The following KANSL1 variants were observed in gnomAD, a reference collection of about 807,000 sequenced individuals.
The protein encoded by KANSL1 is MLL1/MLL complex subunit KANSL1.
Under a neutral mutation model 103.6 loss-of-function variants are expected in KANSL1, and 22 were observed. The ratio of observed to expected loss-of-function variants is 0.21; its 90% CI spans 0.15 to 0.30. The LOEUF is 0.30. Ranked by LOEUF, KANSL1 falls within the 10% of genes least tolerant of loss-of-function variation. The pLI, the probability that KANSL1 is intolerant of heterozygous loss-of-function variation, is 1.00. For synonymous variants in KANSL1, 600 were observed against 527.6 expected, an observed-to-expected ratio of 1.14 and a Z score of -1.88; for missense variants, 1,337 against 1,399.8, an observed-to-expected ratio of 0.96 and a Z score of 0.72.
intron 1 of KANSL1, among the ~76,000 whole-genome samples, chr17:46,219,462 G>C (rs1458083416): frequency 1.3e-5 from 2 of 152,048 alleles, no homozygotes; most frequent in Non-Finnish European, 2.9e-5. Flanking sequence ...TCCCAGGCTC[G>C]AGCCATCCTC....
chr17:46,210,366 G>A (rs774470646), intron 1 of KANSL1, among the ~76,000 whole-genome samples: 4 of 152,006 alleles, frequency 2.6e-5, no homozygotes, highest in South Asian at 4.1e-4. Context: ...ATAGCTACTC[G>A]GGAGGCTGAG....
At chr17:46,217,470 TAAA>T (rs34158594) in intron 1 of KANSL1, among the ~76,000 whole-genome samples, 1 of 140,174 alleles carries the variant, frequency 7.1e-6, no homozygotes. Context: ...AGAGAGACTC[TAAA>T]AAAAAAAAAA....
intron 2 of KANSL1, among the ~76,000 whole-genome samples, chr17:46,100,304 G>A (rs763861344): frequency 3.8e-4 from 58 of 152,112 alleles, no homozygotes; most frequent in Non-Finnish European, 5.7e-4. Context: ...AGACGTAGTC[G>A]CGCACGCCTG....
At chr17:46,217,092 C>T (rs1288983174) in intron 1 of KANSL1, among the ~76,000 whole-genome samples, 1 of 114,978 alleles carries the variant, frequency 8.7e-6, no homozygotes, top group Non-Finnish European at 1.7e-5. Context: ...GCCTGAATGA[C>T]AAAGGGAGAC....
At chr17:46,153,752 A>G (rs77375795) in intron 2 of KANSL1, among the ~76,000 whole-genome samples, 1 of 152,274 alleles carries the variant, frequency 6.6e-6, no homozygotes, top group Non-Finnish European at 1.5e-5. Flanking sequence ...CCAAAAAAAT[A>G]AAGTATCAAT....
chr17:46,103,411 G>A (rs771219389), intron 2 of KANSL1, among the ~76,000 whole-genome samples: 4 of 151,840 alleles, frequency 2.6e-5, no homozygotes, highest in Non-Finnish European at 5.9e-5. Flanking sequence ...TAAATATTTC[G>A]GTATGTTTCC....
At chr17:46,179,656 A>C (rs1308820075) in intron 1 of KANSL1, among the ~76,000 whole-genome samples, 1 of 152,246 alleles carries the variant, frequency 6.6e-6, no homozygotes, top group Non-Finnish European at 1.5e-5. Flanking sequence ...ATTAGCTAAA[A>C]TGTCATTATG....
intron 10 of KANSL1, chr17:46,037,628 T>C (rs560990172): frequency 6.6e-6 from 1 of 152,376 alleles, no homozygotes; most frequent in East Asian, 1.9e-4. Context: ...TTTTCATGCA[T>C]ATAAAATGAA....
chr17:46,118,509 C>T (rs2043139359), intron 2 of KANSL1, among the ~76,000 whole-genome samples: 1 of 152,214 alleles, frequency 6.6e-6, no homozygotes, highest in South Asian at 2.1e-4. Context: ...GCTTGCTAAA[C>T]GCTGATTGGT....
intron 2 of KANSL1, among the ~76,000 whole-genome samples, chr17:46,095,213 T>C (rs1418627398): frequency 1.3e-5 from 2 of 152,344 alleles, no homozygotes; most frequent in African/African-American, 2.4e-5. Flanking sequence ...AGCATGAAGA[T>C]CTATACAAAT....
chr17:46,054,025 G>A (rs2077824455), intron 6 of KANSL1, among the ~76,000 whole-genome samples: 1 of 152,162 alleles, frequency 6.6e-6, no homozygotes, highest in African/African-American at 2.4e-5. Flanking sequence ...CTATTTGGGA[G>A]GCTGAGGTGG....
At chr17:46,132,586 C>T (rs940023496) in intron 2 of KANSL1, among the ~76,000 whole-genome samples, 2 of 152,168 alleles carry the variant, frequency 1.3e-5, no homozygotes, top group Non-Finnish European at 2.9e-5. Context: ...AACAGCACTC[C>T]AGGTAATTGT....
intron 1 of KANSL1, among the ~76,000 whole-genome samples, chr17:46,216,526 G>A (rs946726728): frequency 8.0e-5 from 12 of 150,826 alleles, no homozygotes; most frequent in African/African-American, 2.7e-4. Context: ...TTGAACCCAG[G>A]AGACGGAGGT....
intron 3 of KANSL1, among the ~76,000 whole-genome samples, chr17:46,091,762 T>C (rs1325370394): frequency 6.8e-6 from 1 of 147,580 alleles, no homozygotes; most frequent in Non-Finnish European, 1.5e-5. Flanking sequence ...TCTAAGTGAA[T>C]AGCAGGCCAT....
chr17:46,143,500 AT>A (rs1567724341), intron 2 of KANSL1, among the ~76,000 whole-genome samples: 6 of 111,832 alleles, frequency 5.4e-5, no homozygotes, highest in African/African-American at 8.0e-5. Flanking sequence ...GTCTCAAAAA[AT>A]AAATAAATAA....
chr17:46,172,287 T>G, intron 1 of KANSL1, 55 bp from the exon 2 acceptor site: 1 of 861,018 alleles, frequency 1.2e-6, no homozygotes, highest in Non-Finnish European at 1.7e-6. Context: ...TAAAAACATG[T>G]ATATTTTTAA....
At chr17:46,140,139 T>C (rs1163495175) in intron 2 of KANSL1, among the ~76,000 whole-genome samples, 2 of 152,096 alleles carry the variant, frequency 1.3e-5, no homozygotes, top group Non-Finnish European at 2.9e-5. Context: ...TACACATACA[T>C]ACATATATAT....
chr17:46,221,191 G>T (rs2048524001), intron 1 of KANSL1: 2 of 151,992 alleles, frequency 1.3e-5, no homozygotes, highest in South Asian at 4.1e-4. Context: ...TGCTTGTCAA[G>T]AACAGTTTTT....
At chr17:46,062,868 G>A (rs955212263) in intron 6 of KANSL1, among the ~76,000 whole-genome samples, 11 of 151,714 alleles carry the variant, frequency 7.3e-5, no homozygotes, top group African/African-American at 2.4e-4. Flanking sequence ...TGGCCAACAC[G>A]GTGAAACCTC....
Sources: gnomAD v4.1 joint callset for allele counts (sites outside exome capture counted in the v4.1 genomes callset) on GRCh38, gnomAD v4.1.1 for gene constraint, MANE v1.5 for transcripts, NCBI Gene and HGNC (gene_info 2026-07-23, HGNC 2026-07-21) for gene names.